CARMIL1: variants seen among roughly 807,000 people sequenced by gnomAD.
CARMIL1 encodes capping protein regulator and myosin 1 linker 1.
Under a neutral mutation model 177.1 loss-of-function variants are expected in CARMIL1, and 90 were observed. The ratio of observed to expected loss-of-function variants is 0.51; its 90% CI spans 0.43 to 0.61. CARMIL1 has a LOEUF of 0.61. Among genes scored for constraint, CARMIL1 ranks in the 20% least tolerant of loss-of-function variants. The pLI is 0.00. For synonymous variants in CARMIL1, 577 were observed against 606.2 expected (o/e 0.95, Z 0.71); for missense variants, 1,380 against 1,667.0 (o/e 0.83, Z 3.00).
chr6:25,367,322 T>A (rs567569697), intron 2 of CARMIL1, among the ~76,000 whole-genome samples: 4 of 152,178 alleles, frequency 2.6e-5, no homozygotes, highest in African/African-American at 9.7e-5. Flanking sequence ...CAAAGCAATG[T>A]TGTCATTGAC....
At chr6:25,573,973 G>A (rs1812356842) in intron 29 of CARMIL1, among the ~76,000 whole-genome samples, 1 of 152,130 alleles carries the variant, frequency 6.6e-6, no homozygotes, top group African/African-American at 2.4e-5. Context: ...CTTCCACAGA[G>A]CAGCACTAAC....
chr6:25,330,461 T>C (rs1785511670), intron 2 of CARMIL1, among the ~76,000 whole-genome samples: 1 of 152,168 alleles, frequency 6.6e-6, no homozygotes, highest in Non-Finnish European at 1.5e-5. Context: ...GATTGCAGCT[T>C]GGTAACTGGA....
chr6:25,612,920 C>A, intron 36 of CARMIL1: 1 of 984,778 alleles, frequency 1.0e-6, no homozygotes, highest in Non-Finnish European at 1.2e-6. Flanking sequence ...CTCACTGACC[C>A]GAAGCTTATG....
intron 2 of CARMIL1, among the ~76,000 whole-genome samples, chr6:25,376,449 A>G (rs759544216): frequency 2.6e-5 from 4 of 152,034 alleles, no homozygotes; most frequent in Non-Finnish European, 4.4e-5. Flanking sequence ...TTTATTTTTG[A>G]TTTGACTTAA....
intron 2 of CARMIL1, among the ~76,000 whole-genome samples, chr6:25,313,166 T>C (rs1274714881): frequency 6.6e-6 from 1 of 151,948 alleles, no homozygotes; most frequent in Admixed American, 6.6e-5. Context: ...TTTCCCCACA[T>C]AGTAAACACA....
chr6:25,492,330 A>G (rs755916118), intron 15 of CARMIL1, among the ~76,000 whole-genome samples: 19 of 152,216 alleles, frequency 1.2e-4, no homozygotes, highest in Non-Finnish European at 2.2e-4. Context: ...TTTTATAGGT[A>G]TTTCTCACGG....
intron 1 of CARMIL1, among the ~76,000 whole-genome samples, chr6:25,280,636 G>A (rs978122219): frequency 6.6e-6 from 1 of 151,798 alleles, no homozygotes; most frequent in African/African-American, 2.4e-5. Context: ...AAGTCTTGGG[G>A]TTTAACTTAA....
In CARMIL1 at chr6:25,312,942, G is replaced by A. The variant is rs574094974; in HGVS notation, c.138+28033G>A. The stretch of plus-strand genomic sequence containing the variant: ...AAAAAAAAAAAAAAACCAGAGGAGG[G>A]GAACGAGTGGAGAGAAGAAACCCTT... On this transcript the variant is annotated intron_variant, in intron 2 of 36. Coordinates refer to ENST00000329474, the MANE Select transcript of CARMIL1 (RefSeq NM_017640.6). 4.6e-5 allele frequency among the ~76,000 whole-genome samples: 7 copies of A among 151,144 alleles called. No homozygotes were observed. The East Asian group carries it at 1.4e-3, about 29-fold the overall frequency.
intron 2 of CARMIL1, among the ~76,000 whole-genome samples, chr6:25,296,454 T>C (rs1782371153): frequency 6.6e-6 from 1 of 152,224 alleles, no homozygotes; most frequent in South Asian, 2.1e-4. Context: ...TAGGATGATA[T>C]TCCTCAGGGA....
At chr6:25,388,555 G>A (rs1313759072) in intron 2 of CARMIL1, among the ~76,000 whole-genome samples, 4 of 152,118 alleles carry the variant, frequency 2.6e-5, no homozygotes, top group Non-Finnish European at 4.4e-5. Context: ...TAGTAGAGAC[G>A]GGGTTTCACC....
intron 3 of CARMIL1, among the ~76,000 whole-genome samples, chr6:25,423,980 G>C (rs1796080651): frequency 6.6e-6 from 1 of 152,044 alleles, no homozygotes; most frequent in South Asian, 2.1e-4. Flanking sequence ...ATGATGGGTT[G>C]CGGGGACCAG....
intron 24 of CARMIL1, among the ~76,000 whole-genome samples, chr6:25,532,947 G>A (rs886436749): frequency 1.3e-5 from 2 of 152,088 alleles, no homozygotes; most frequent in African/African-American, 4.8e-5. Context: ...CAATAAAACT[G>A]TAGTTATAAA....
intron 11 of CARMIL1, among the ~76,000 whole-genome samples, chr6:25,481,961 C>T (rs1802156563): frequency 6.6e-6 from 1 of 152,144 alleles, no homozygotes; most frequent in South Asian, 2.1e-4. Context: ...AGAGGATTTG[C>T]ATTTTAAATA....
At chr6:25,486,474 T>C (rs891638786) in intron 12 of CARMIL1, among the ~76,000 whole-genome samples, 1 of 152,196 alleles carries the variant, frequency 6.6e-6, no homozygotes, top group African/African-American at 2.4e-5. Flanking sequence ...TATACCTCAC[T>C]AAGGAAATGA....
At chr6:25,381,416 A>T (rs1412066473) in intron 2 of CARMIL1, among the ~76,000 whole-genome samples, 3 of 152,196 alleles carry the variant, frequency 2.0e-5, no homozygotes, top group African/African-American at 4.8e-5. Context: ...CACTACCCAG[A>T]GTTAGCACAG....
chr6:25,403,450 C>G (rs1794066674), intron 2 of CARMIL1, among the ~76,000 whole-genome samples: 1 of 152,176 alleles, frequency 6.6e-6, no homozygotes, highest in South Asian at 2.1e-4. Context: ...GGGCAATTAT[C>G]AGTCAGAACA....
chr6:25,459,210 T>TTTTCTTTC (rs5875042), intron 8 of CARMIL1, among the ~76,000 whole-genome samples: 4,028 of 80,110 alleles, frequency 0.05, 408 homozygotes, highest in East Asian at 0.062. Context: ...GATCCCAACT[T>TTTTCTTTC]TTTCTTTCTT....
At chr6:25,475,498 A>G (rs1225559428) in intron 11 of CARMIL1, among the ~76,000 whole-genome samples, 1 of 152,244 alleles carries the variant, frequency 6.6e-6, no homozygotes, top group Non-Finnish European at 1.5e-5. Context: ...AGGTCCACAC[A>G]GAGACTTGTG....
chr6:25,291,610 T>C (rs1277201081), intron 2 of CARMIL1, among the ~76,000 whole-genome samples: 2 of 152,204 alleles, frequency 1.3e-5, no homozygotes, highest in East Asian at 3.9e-4. Flanking sequence ...AACATCAGCC[T>C]TGGCCAGTGG....
Sources: gnomAD v4.1 joint callset for allele counts (sites outside exome capture counted in the v4.1 genomes callset) on GRCh38, gnomAD v4.1.1 for gene constraint, MANE v1.5 for transcripts, NCBI Gene and HGNC (gene_info 2026-07-23, HGNC 2026-07-21) for gene names.